Variants in DOCK11 observed in about 807,000 individuals in gnomAD.
DOCK11 encodes dedicator of cytokinesis 11, also known as dedicator of cytokinesis protein 11.
DOCK11 carries 70 observed loss-of-function variants against 169.1 expected under a neutral mutation model. That is an observed-to-expected ratio of 0.41 (90% CI 0.34 to 0.51). The LOEUF (loss-of-function observed/expected upper bound fraction) is 0.51. Ranked by LOEUF, DOCK11 falls within the 20% of genes least tolerant of loss-of-function variation. The probability of loss-of-function intolerance (pLI) is 0.10; values close to 1 mark genes in which losing one functional copy is unlikely to be tolerated. For missense variants in DOCK11, 1,166 were observed against 1,538.8 expected, an observed-to-expected ratio of 0.76 and a Z score of 4.05; for synonymous variants, 529 against 541.3, an observed-to-expected ratio of 0.98 and a Z score of 0.32.
At chrX:118,576,214 T>C (rs777033579) in intron 12 of DOCK11, among the ~76,000 whole-genome samples, 13 of 112,014 alleles carry the variant, frequency 1.2e-4, no homozygotes, top group African/African-American at 4.2e-4. Flanking sequence ...TTGTAAGTGC[T>C]GGTGGCTGGG....
At chrX:118,602,557 T>C (rs1277226867) in intron 23 of DOCK11, among the ~76,000 whole-genome samples, 3 of 109,885 alleles carry the variant, frequency 2.7e-5, no homozygotes, top group Non-Finnish European at 5.7e-5. Flanking sequence ...TTTTTTTTTT[T>C]GGAGACAGAG....
chrX:118,540,051 C>CAAAAAAAAAAAAAAA (rs58922946), intron 1 of DOCK11, among the ~76,000 whole-genome samples: 1 of 42,296 alleles, frequency 2.4e-5, no homozygotes, highest in Admixed American at 3.3e-4. Flanking sequence ...AACTCCATCT[C>CAAAAAAAAAAAAAAA]AAAAAAAAAA....
At position 118,618,719 on chromosome X, in the gene DOCK11, C is replaced by A. The variant is rs1259517692; in HGVS notation, c.3462C>A (p.Tyr1154Ter). 1.7e-6 allele frequency: 2 copies of A among 1,201,244 alleles called. No individual in the cohort carries two copies. Among genetic ancestry groups the A allele is most frequent in the Non-Finnish European group, 2.3e-6 (2 of 888,646 alleles). The change falls in exon 31 of 53, where the codon TAC becomes TAA. Residue 1154 changes from tyrosine to a stop codon, truncating the protein, a stop_gained. Coordinates refer to ENST00000276202, the MANE Select transcript of DOCK11 (RefSeq NM_144658.4). LOFTEE classifies it high-confidence loss of function. ...LLIKHAFDTR[Y>*]QHKNQQAKIA... is the part of the protein sequence containing the mutation. Reference sequence around the variant, plus strand: ...TAAAACATGCATTTGACACAAGATACCAGCACAAGGTAAGGATATCCATGC... The same window carrying A: ...TAAAACATGCATTTGACACAAGATAACAGCACAAGGTAAGGATATCCATGC...
intron 7 of DOCK11, among the ~76,000 whole-genome samples, chrX:118,563,812 C>T (rs183665350): frequency 4.6e-4 from 50 of 108,493 alleles, no homozygotes; most frequent in African/African-American, 1.6e-3. Flanking sequence ...TGGGTTCAGG[C>T]GATTCTCCTG....
In DOCK11 at chrX:118,573,902, C is replaced by T. The variant is rs746903828; in HGVS notation, c.1273C>T (p.Arg425Cys). Residue 425 changes from arginine to cysteine, a missense_variant, in exon 12 of 53, where the codon CGT becomes TGT. Coordinates refer to ENST00000276202, the MANE Select transcript of DOCK11 (RefSeq NM_144658.4). ...FHVDLNPPSV[R>C]EMLWGSSTQL... is the part of the protein sequence containing the mutation. ...TGTAGACCTGAATCCCCCATCTGTC[C>T]GTGAAATGCTGTGGGGCTCTTCAAC... 107 of 1,209,360 alleles carry T rather than the reference C, an allele frequency of 8.8e-5. No individual in the cohort carries two copies. The highest frequency in any genetic ancestry group is 2.3e-4 in the Middle Eastern group (1 of 4,354).
chrX:118,499,508 A>G (rs1428352126), intron 1 of DOCK11, among the ~76,000 whole-genome samples: 1 of 111,977 alleles, frequency 8.9e-6, no homozygotes, highest in Non-Finnish European at 1.9e-5. Flanking sequence ...AAGCGTCTGC[A>G]GCTGTTGACT....
chrX:118,520,147 C>T (rs2057713717), intron 1 of DOCK11, among the ~76,000 whole-genome samples: 1 of 112,299 alleles, frequency 8.9e-6, no homozygotes, highest in Admixed American at 9.4e-5. Flanking sequence ...TTAAGTTACA[C>T]TTCTAAACAT....
chrX:118,642,128 A>G (rs1161024304), intron 39 of DOCK11, among the ~76,000 whole-genome samples: 1 of 111,987 alleles, frequency 8.9e-6, no homozygotes, highest in African/African-American at 3.2e-5. Flanking sequence ...CTATATTAAA[A>G]TGCAACACAA....
At chrX:118,646,053 C>CAAAAAAA (rs754457760) in intron 40 of DOCK11, among the ~76,000 whole-genome samples, 1 of 38,982 alleles carries the variant, frequency 2.6e-5, no homozygotes, top group African/African-American at 9.0e-5. Flanking sequence ...GAGACTTCGT[C>CAAAAAAA]AAAAAAAAAA....
chrX:118,545,871 A>G (rs1183877669), intron 5 of DOCK11, 150 bp from the exon 6 acceptor site: 1 of 430,170 alleles, frequency 2.3e-6, no homozygotes, highest in Non-Finnish European at 4.1e-6. Flanking sequence ...CTTTCATTCT[A>G]CAGTCAACTA....
Position 118,593,230 on chromosome X carries a change from C to T in DOCK11, c.2156C>T (p.Pro719Leu). Residue 719 changes from proline (P) to leucine (L), a missense_variant, in exon 20 of 53, where the codon CCC becomes CTC. By Grantham distance (98) the Pro-to-Leu change is moderately conservative. Transcript: ENST00000276202. Reference sequence around the variant, plus strand: ...TCATTTCAGATTAAAATTGAGCTTCCCATTCACCTACATCAAAAACATCAT... The same window carrying T: ...TCATTTCAGATTAAAATTGAGCTTCTCATTCACCTACATCAAAAACATCAT... ...EFYDEIKIEL[P>L]IHLHQKHHLL... 8.4e-7 allele frequency: 1 copy of T among 1,196,569 alleles called. No homozygotes were observed. The highest frequency in any genetic ancestry group is 1.1e-6 in the Non-Finnish European group (1 of 889,064).
chrX:118,645,555 G>C (rs944640071), intron 40 of DOCK11, among the ~76,000 whole-genome samples: 4 of 109,283 alleles, frequency 3.7e-5, no homozygotes, highest in African/African-American at 1.3e-4. Context: ...TTAGCCGGGC[G>C]TGGTGGCGGG....
chrX:118,526,380 T>C (rs1451366725), intron 1 of DOCK11, among the ~76,000 whole-genome samples: 2 of 112,531 alleles, frequency 1.8e-5, no homozygotes, highest in Non-Finnish European at 3.8e-5. Flanking sequence ...GTCAATGGTC[T>C]GTCCCCAGGG....
rs750893134 is a variant in DOCK11, at chrX:118,546,026, ATCT to A, written c.473_475del (p.Ser158del). Reference sequence around the variant, plus strand: ...TAATTTTTGTTCTATTTCAGGACTCATCTTCTTTATGTTCTCAGAAGGGTGGTG... The same window carrying A: ...TAATTTTTGTTCTATTTCAGGACTCATCTTTATGTTCTCAGAAGGGTGGTG... On this transcript the variant is annotated inframe_deletion, in exon 6 of 53. Coordinates refer to ENST00000276202, the MANE Select transcript of DOCK11 (RefSeq NM_144658.4). 5 of 1,201,016 alleles carry A rather than the reference ATCT, an allele frequency of 4.2e-6. No homozygotes were observed. Among genetic ancestry groups the A allele is most frequent in the Non-Finnish European group, 5.6e-6 (5 of 888,229 alleles).
chrX:118,643,520 G>A lies in DOCK11; in HGVS notation c.4324G>A (p.Ala1442Thr). 8.3e-7 allele frequency: 1 copy of A among 1,210,181 alleles called. No individual in the cohort carries two copies. Among genetic ancestry groups the A allele is most frequent in the Non-Finnish European group, 1.1e-6 (1 of 894,484 alleles). Residue 1442 changes from alanine (A) to threonine (T), a missense_variant, in exon 40 of 53, where the codon GCT becomes ACT. By Grantham distance (58) the Ala-to-Thr change is moderately conservative (BLOSUM62 0). Coordinates refer to ENST00000276202, the MANE Select transcript of DOCK11 (RefSeq NM_144658.4). The stretch of plus-strand genomic sequence containing the variant: ...GAAAAAAGTGTTTGATATACATCTT[G>A]CTTTTCTTAAAAATGGACAATCTGA... Reference protein sequence around the residue: ...LMKKVFDIHLAFLKNGQSEVS... With the variant: ...LMKKVFDIHLTFLKNGQSEVS...
intron 46 of DOCK11, 69 bp downstream of exon 46, chrX:118,671,214 T>C: frequency 2.0e-6 from 2 of 992,691 alleles, no homozygotes; most frequent in South Asian, 2.6e-5. Flanking sequence ...AACAGTAATA[T>C]AGTTCTGTCA....
intron 34 of DOCK11, among the ~76,000 whole-genome samples, chrX:118,628,919 G>A (rs1603134090): frequency 8.9e-6 from 1 of 112,005 alleles, no homozygotes; most frequent in Admixed American, 9.5e-5. Context: ...ATGAAAATTG[G>A]GATTATGACT....
chrX:118,649,141 A>G lies in DOCK11; in HGVS notation c.4581+14A>G. Reference sequence around the variant, plus strand: ...ACACATCTACAGGTCAGTGAAAATAAAAGCGCCTCTTCATCTTTCTTCTCT... The same window carrying G: ...ACACATCTACAGGTCAGTGAAAATAGAAGCGCCTCTTCATCTTTCTTCTCT... On this transcript the variant is annotated intron_variant, in intron 41 of 52. Coordinates refer to ENST00000276202, the MANE Select transcript of DOCK11 (RefSeq NM_144658.4). 6.9e-6 allele frequency: 8 copies of G among 1,152,279 alleles called. No homozygotes were observed. Among genetic ancestry groups the G allele is most frequent in the Non-Finnish European group, 9.2e-6 (8 of 866,482 alleles). 95.0% of individuals were successfully genotyped at this position (1,152,279 alleles called of 1,213,427 possible).
At chrX:118,549,294 G>A (rs1424109560) in intron 6 of DOCK11, among the ~76,000 whole-genome samples, 1 of 109,019 alleles carries the variant, frequency 9.2e-6, no homozygotes, top group Non-Finnish European at 1.9e-5. Flanking sequence ...ACAGGTGCAC[G>A]CCACCATGCC....
Sources: gnomAD v4.1 joint callset for allele counts (sites outside exome capture counted in the v4.1 genomes callset) on GRCh38, gnomAD v4.1.1 for gene constraint, MANE v1.5 for transcripts, NCBI Gene and HGNC (gene_info 2026-07-23, HGNC 2026-07-21) for gene names.